Variants in DNAAF11 observed in about 807,000 individuals in gnomAD.
DNAAF11 encodes leucine rich repeat containing 6.
Under a neutral mutation model 60.8 loss-of-function variants are expected in DNAAF11, and 45 were observed. The ratio of observed to expected loss-of-function variants is 0.74; its 90% CI spans 0.58 to 0.95. The LOEUF (loss-of-function observed/expected upper bound fraction) is 0.95. Ranked by LOEUF, DNAAF11 falls within the 40% of genes least tolerant of loss-of-function variation. The pLI, the probability that DNAAF11 is intolerant of heterozygous loss-of-function variation, is 0.00. For synonymous variants in DNAAF11, 191 were observed against 183.5 expected (o/e 1.04, Z -0.33); for missense variants, 546 against 546.2 (o/e 1.00, Z 0.00).
intron 1 of DNAAF11, among the ~76,000 whole-genome samples, chr8:132,665,246 A>T (rs937160629): frequency 1.3e-5 from 2 of 152,138 alleles, no homozygotes. Context: ...AGAGCCCCCG[A>T]GAAGAAATGT....
chr8:132,661,683 T>G (rs1190215410), intron 1 of DNAAF11, 56 bp from the exon 2 acceptor site: 5 of 1,544,672 alleles, frequency 3.2e-6, no homozygotes, highest in Non-Finnish European at 4.5e-6. Flanking sequence ...AATATAAGAT[T>G]ATTGTGTTGT....
chr8:132,664,808 AC>A (rs1824468265), intron 1 of DNAAF11, among the ~76,000 whole-genome samples: 1 of 152,120 alleles, frequency 6.6e-6, no homozygotes, highest in African/African-American at 2.4e-5. Context: ...AAAACCAATC[AC>A]TTCATGCAAC....
chr8:132,601,643 A>C (rs1364413668), intron 10 of DNAAF11, among the ~76,000 whole-genome samples: 4 of 152,124 alleles, frequency 2.6e-5, no homozygotes, highest in African/African-American at 4.8e-5. Flanking sequence ...GAAGCTGGAA[A>C]CCATTATTCT....
intron 10 of DNAAF11, among the ~76,000 whole-genome samples, chr8:132,585,320 C>T (rs1358246335): frequency 1.3e-5 from 2 of 152,084 alleles, no homozygotes; most frequent in Admixed American, 6.6e-5. Flanking sequence ...AAATGCAACA[C>T]GTGTATGGAT....
At chr8:132,630,077 T>C (rs999305272) in intron 5 of DNAAF11, among the ~76,000 whole-genome samples, 2 of 152,206 alleles carry the variant, frequency 1.3e-5, no homozygotes, top group African/African-American at 4.8e-5. Context: ...TCAATTAACA[T>C]ATAAATTAAA....
intron 11 of DNAAF11, among the ~76,000 whole-genome samples, chr8:132,579,927 C>T (rs1390554925): frequency 2.0e-5 from 3 of 151,412 alleles, no homozygotes; most frequent in Non-Finnish European, 4.4e-5. Context: ...AACTGGGAGG[C>T]GGAAGTTGCA....
chr8:132,627,394 CAG>C (rs1820383182), intron 5 of DNAAF11, among the ~76,000 whole-genome samples: 1 of 152,118 alleles, frequency 6.6e-6, no homozygotes, highest in South Asian at 2.1e-4. Context: ...GTTGATGAAA[CAG>C]AGTGAGCTCA....
intron 1 of DNAAF11, among the ~76,000 whole-genome samples, chr8:132,661,881 A>G: frequency 6.6e-6 from 1 of 152,188 alleles, no homozygotes. Context: ...GGGTCTACAT[A>G]CATTTTGCTG....
Position 132,632,951 on chromosome 8 carries a change from T to C in DNAAF11, c.442A>G (p.Lys148Glu). The C allele has an allele frequency of 6.2e-7, 1 of 1,611,546 alleles. No homozygotes were observed. Among genetic ancestry groups the C allele is most frequent in the Non-Finnish European group, 8.5e-7 (1 of 1,178,144 alleles). ...ATCCTTTCTGAAGGCTCTATTTCTT[T>C]ACCATCCAACCACTTAAAGAAAAAC... ...TLPQLKWLDG[K>E]EIEPSERIKA... The change falls in exon 5 of 12, where the codon AAA (lysine) becomes GAA (glutamate). Residue 148 changes from lysine (K) to glutamate (E), a missense_variant. Physicochemically the swap from Lys to Glu is moderately conservative, Grantham distance 56. Transcript: ENST00000620350.
rs531520329 is a variant in DNAAF11 at position 132,669,149 on chromosome 8, T to C, written c.10+6335A>G. The stretch of plus-strand genomic sequence containing the variant: ...CCCCTCTGCTCAATTTTGATTTCTT[T>C]CCTACCCACCCCAACAATGCTCCCT... On this transcript the variant is annotated intron_variant, in intron 1 of 11. Transcript: ENST00000620350. Among the ~76,000 whole-genome samples, 7 of 152,294 alleles carry C rather than the reference T, an allele frequency of 4.6e-5. No individual in the cohort carries two copies. The South Asian group carries it at 1.5e-3, about 32-fold the overall frequency.
intron 4 of DNAAF11, among the ~76,000 whole-genome samples, chr8:132,633,874 GA>G (rs1821041887): frequency 6.6e-6 from 1 of 152,128 alleles, no homozygotes; most frequent in Non-Finnish European, 1.5e-5. Context: ...CAAAGTAAGG[GA>G]TTCTCTCCTA....
At chr8:132,638,274 C>T (rs1410226479) in intron 3 of DNAAF11, among the ~76,000 whole-genome samples, 167 bp from the exon 4 acceptor site, 7 of 152,162 alleles carry the variant, frequency 4.6e-5, no homozygotes, top group African/African-American at 9.7e-5. Context: ...AACTCAAAGG[C>T]TTCATCTTAA....
intron 11 of DNAAF11, among the ~76,000 whole-genome samples, chr8:132,580,820 G>C (rs1815251389): frequency 6.6e-6 from 1 of 152,190 alleles, no homozygotes; most frequent in African/African-American, 2.4e-5. Flanking sequence ...GTGTGTGTTT[G>C]TATGTGAGTA....
intron 2 of DNAAF11, 60 bp downstream of exon 2, chr8:132,661,400 T>C (rs1274006930): frequency 7.2e-7 from 1 of 1,392,814 alleles, no homozygotes; most frequent in Non-Finnish European, 9.8e-7. Flanking sequence ...CACAGCACTT[T>C]CCAAAGTTCT....
At chr8:132,694,559 A>C in the DNAAF11 span, among the ~76,000 whole-genome samples, 1 of 152,244 alleles carries the variant, frequency 6.6e-6, no homozygotes, top group East Asian at 1.9e-4. Context: ...ACTTTGTTAC[A>C]GCAACCCTAG....
intron 7 of DNAAF11, 68 bp downstream of exon 7, chr8:132,622,543 A>G: frequency 8.5e-7 from 1 of 1,172,018 alleles, no homozygotes; most frequent in Non-Finnish European, 1.3e-6. Flanking sequence ...CTGGAATTGA[A>G]ACAATGATTG....
At chr8:132,679,760 A>C (rs1319557575), upstream of DNAAF11, among the ~76,000 whole-genome samples, 1 of 152,154 alleles carries the variant, frequency 6.6e-6, no homozygotes, top group Admixed American at 6.5e-5. Context: ...GTTTCTCCGC[A>C]CAAGCTTTTC....
intron 4 of DNAAF11, among the ~76,000 whole-genome samples, chr8:132,635,933 A>T (rs1474002203): frequency 6.6e-6 from 1 of 152,120 alleles, no homozygotes; most frequent in Non-Finnish European, 1.5e-5. Flanking sequence ...GCAAATCAGC[A>T]GAAGCTAGGA....
At chr8:132,597,018 T>A (rs1443805536) in intron 10 of DNAAF11, among the ~76,000 whole-genome samples, 1 of 151,984 alleles carries the variant, frequency 6.6e-6, no homozygotes, top group African/African-American at 2.4e-5. Flanking sequence ...AACTGGCCAA[T>A]GGGAAAAAGG....
Sources: gnomAD v4.1 joint callset for allele counts (sites outside exome capture counted in the v4.1 genomes callset) on GRCh38, gnomAD v4.1.1 for gene constraint, MANE v1.5 for transcripts, NCBI Gene and HGNC (gene_info 2026-07-23, HGNC 2026-07-21) for gene names.